Variants in TAB2 observed in about 807,000 individuals in gnomAD.
TAB2 encodes the protein TGF-beta-activated kinase 1 and MAP3K7-binding protein 2.
In TAB2, 3 loss-of-function variants were observed where a neutral mutation model predicts 65.0. The observed-to-expected ratio is 0.05, with a 90% confidence interval of 0.02 to 0.12. The LOEUF is 0.12. Ranked by LOEUF, TAB2 falls within the 10% of genes least tolerant of loss-of-function variation. The pLI is 1.00. For synonymous variants in TAB2, 298 were observed against 285.1 expected (o/e 1.05, Z -0.46); for missense variants, 623 against 840.3 (o/e 0.74, Z 3.20).
chr6:149,255,943 A>G (rs7758080), intron 1 of TAB2, among the ~76,000 whole-genome samples: 47,710 of 152,108 alleles, frequency 0.31, 7,830 homozygotes, highest in East Asian at 0.41. Flanking sequence ...GGCAGGAAAA[A>G]GGAGAAAAAG....
intron 1 of TAB2, among the ~76,000 whole-genome samples, chr6:149,311,934 T>G (rs1167795580): frequency 6.6e-6 from 1 of 152,246 alleles, no homozygotes; most frequent in Non-Finnish European, 1.5e-5. Flanking sequence ...TAGGTGATGT[T>G]ATGACAGATT....
chr6:149,347,539 T>G (rs1373145324), intron 1 of TAB2, among the ~76,000 whole-genome samples: 1 of 152,158 alleles, frequency 6.6e-6, no homozygotes, highest in Non-Finnish European at 1.5e-5. Flanking sequence ...ATTACATTAT[T>G]TTTGCAGATA....
intron 2 of TAB2, among the ~76,000 whole-genome samples, chr6:149,374,045 A>G (rs183669123): frequency 6.6e-6 from 1 of 152,318 alleles, no homozygotes; most frequent in East Asian, 1.9e-4. Flanking sequence ...TGAGTTTATA[A>G]TGATACTAAA....
Position 149,403,273 on chromosome 6 carries a change from TATATATATATACACACAC to T in TAB2, c.1939+4091_1939+4108del, listed in dbSNP as rs1562456315. On this transcript the variant is annotated intron_variant, in intron 6 of 6. Coordinates refer to ENST00000637181, the MANE Select transcript of TAB2 (RefSeq NM_001292034.3). ...ATATATATATATATATATATATATA[TATATATATATACACACAC>T]ACACATATATATATATATATATACA... Among the ~76,000 whole-genome samples, 237 of 69,598 alleles carry T rather than the reference TATATATATATACACACAC, an allele frequency of 3.4e-3. 10 individuals carry two copies. Among genetic ancestry groups the T allele is most frequent in the African/African-American group, 0.014 (212 of 15,362 alleles). 45.7% of individuals were successfully genotyped at this position (69,598 alleles called of 152,430 possible). A position where few individuals can be genotyped will look rare whatever the true frequency, so the allele number is the denominator to read the frequency against.
At chr6:149,268,477 G>C (rs946527992) in intron 1 of TAB2, among the ~76,000 whole-genome samples, 2 of 152,210 alleles carry the variant, frequency 1.3e-5, no homozygotes, top group Non-Finnish European at 2.9e-5. Context: ...CATTTATAGA[G>C]AGAGAGCAAG....
At position 149,378,977 on chromosome 6, in the gene TAB2, A is replaced by G. The variant is rs1202106464; in HGVS notation, c.1062A>G (p.Ser354=). 1 of 1,614,064 alleles carries G rather than the reference A, an allele frequency of 6.2e-7. No individual in the cohort carries two copies. Among genetic ancestry groups the G allele is most frequent in the African/African-American group, 1.3e-5 (1 of 74,914 alleles). The change falls in exon 3 of 7, where the codon TCA becomes TCG. Residue 354 remains serine, a synonymous_variant. Coordinates refer to ENST00000637181, the MANE Select transcript of TAB2 (RefSeq NM_001292034.3). ...SGPRTSSTSS[S]VNSQTLNRNQ... The stretch of plus-strand genomic sequence containing the variant: ...CTCGAACCTCCAGCACTTCCTCTTC[A>G]GTCAATAGCCAGACCTTAAACAGAA...
intron 1 of TAB2, among the ~76,000 whole-genome samples, chr6:149,361,913 C>T (rs1016699927): frequency 3.3e-5 from 5 of 152,216 alleles, no homozygotes; most frequent in Non-Finnish European, 5.9e-5. Context: ...AAGCTCTTTG[C>T]TAAGGCATAA....
intron 1 of TAB2, among the ~76,000 whole-genome samples, chr6:149,349,192 G>A (rs1350117588): frequency 1.3e-5 from 2 of 151,758 alleles, no homozygotes; most frequent in African/African-American, 2.4e-5. Flanking sequence ...AGACTGAGGC[G>A]GGTTGATCAC....
intron 1 of TAB2, among the ~76,000 whole-genome samples, chr6:149,334,409 A>G (rs1406727198): frequency 6.6e-6 from 1 of 152,178 alleles, no homozygotes; most frequent in East Asian, 1.9e-4. Flanking sequence ...AGGCTTAGCC[A>G]GGCATAAGGC....
chr6:149,328,799 G>T lies in TAB2; in HGVS notation c.-90+10784G>T, dbSNP rs142622190. 7.4e-3 allele frequency among the ~76,000 whole-genome samples: 1,127 copies of T among 152,266 alleles called. 14 individuals carry two copies. The highest frequency in any genetic ancestry group is 0.026 in the African/African-American group (1,088 of 41,544). On this transcript the variant is annotated intron_variant, in intron 1 of 6. Transcript: ENST00000637181. ...AAAATACTTTAGGAATCCATAGGAG[G>T]TAGTGTCTCCTATGGATAAGGATTA... is the stretch of plus-strand genomic sequence containing the variant.
chr6:149,357,987 C>T (rs1313820636), intron 1 of TAB2, among the ~76,000 whole-genome samples: 2 of 152,202 alleles, frequency 1.3e-5, no homozygotes, highest in African/African-American at 4.8e-5. Context: ...AGGCGTGAGC[C>T]ATCACGCCCG....
intron 1 of TAB2, among the ~76,000 whole-genome samples, chr6:149,305,472 A>G (rs760181692): frequency 3.3e-5 from 5 of 152,168 alleles, no homozygotes; most frequent in Non-Finnish European, 5.9e-5. Context: ...GAACCATTAA[A>G]CACATAAAAG....
chr6:149,297,431 A>G (rs9485379), intron 1 of TAB2, among the ~76,000 whole-genome samples: 7,991 of 152,208 alleles, frequency 0.053, 682 homozygotes, highest in African/African-American at 0.18. Context: ...AAGAAGAGGA[A>G]CTCAAACTTT....
intron 1 of TAB2, among the ~76,000 whole-genome samples, chr6:149,367,549 C>G (rs1781080231): frequency 6.6e-6 from 1 of 152,036 alleles, no homozygotes; most frequent in Admixed American, 6.6e-5. Flanking sequence ...AAAGTGATGA[C>G]TCTGATTTAC....
intron 3 of TAB2, among the ~76,000 whole-genome samples, chr6:149,395,294 CAG>C (rs1401520393): frequency 6.6e-6 from 1 of 152,224 alleles, no homozygotes; most frequent in Non-Finnish European, 1.5e-5. Context: ...CTCATCTCAA[CAG>C]ATATGTTTAA....
upstream of TAB2, among the ~76,000 whole-genome samples, chr6:149,314,884 T>G (rs1396430031): frequency 9.4e-5 from 14 of 148,476 alleles, no homozygotes; most frequent in Non-Finnish European, 2.0e-4. Flanking sequence ...TTTTTTTTCC[T>G]GTAGTGACTA....
At chr6:149,320,382 C>G (rs1779403631) in intron 1 of TAB2, among the ~76,000 whole-genome samples, 1 of 152,228 alleles carries the variant, frequency 6.6e-6, no homozygotes, top group Non-Finnish European at 1.5e-5. Context: ...GTTATGTAGG[C>G]AGATCCCCAC....
At chr6:149,365,292 A>G (rs1462416892) in intron 1 of TAB2, among the ~76,000 whole-genome samples, 4 of 152,200 alleles carry the variant, frequency 2.6e-5, no homozygotes, top group Non-Finnish European at 4.4e-5. Context: ...GTAAATACCA[A>G]TTGTTTCAGT....
rs377498842 is a variant in TAB2, at chr6:149,353,185, G to C, written c.-89-16724G>C. Reference sequence around the variant, plus strand: ...AATTCTAAAACTCATTATCAGGTTTGAGTTACCTCCCCAACTTTGGACTCT... The same window carrying C: ...AATTCTAAAACTCATTATCAGGTTTCAGTTACCTCCCCAACTTTGGACTCT... On this transcript the variant is annotated intron_variant, in intron 1 of 6. Coordinates refer to ENST00000637181, the MANE Select transcript of TAB2 (RefSeq NM_001292034.3). Among the ~76,000 whole-genome samples the C allele has an allele frequency of 5.3e-5, 8 of 152,174 alleles. No homozygotes were observed. The East Asian group carries it at 5.8e-4, about 11-fold the overall frequency.
Sources: allele counts gnomAD v4.1 joint callset (sites outside exome capture counted in the v4.1 genomes callset), GRCh38; gene constraint gnomAD v4.1.1; transcripts MANE v1.5; gene names NCBI Gene and HGNC (gene_info 2026-07-23, HGNC 2026-07-21).